Variants in ARL14EP observed in about 807,000 individuals in gnomAD.
ARL14EP encodes ARL14 effector protein.
In ARL14EP, 12 loss-of-function variants were observed where a neutral mutation model predicts 23.1. The ratio of observed to expected loss-of-function variants is 0.52; its 90% CI spans 0.33 to 0.84. The LOEUF (loss-of-function observed/expected upper bound fraction) is 0.84. Among genes scored for constraint, ARL14EP ranks in the 40% least tolerant of loss-of-function variants. The pLI, the probability that ARL14EP is intolerant of heterozygous loss-of-function variation, is 0.02. For synonymous variants in ARL14EP, 97 were observed against 102.0 expected, an observed-to-expected ratio of 0.95 and a Z score of 0.29; for missense variants, 253 against 307.3, an observed-to-expected ratio of 0.82 and a Z score of 1.32.
Position 30,337,161 on chromosome 11 carries a change from A to G in ARL14EP, c.*366A>G. 1 of 277,316 alleles carries G rather than the reference A, an allele frequency of 3.6e-6. No individual in the cohort carries two copies. Among genetic ancestry groups the G allele is most frequent in the Non-Finnish European group, 6.9e-6 (1 of 143,906 alleles). 17.2% of individuals were successfully genotyped at this position (277,316 alleles called of 1,614,324 possible). ...TGTTGTTGTTAAAATCTAGGTTAAA[A>G]TTTTAGTTAGCACATTGTAACTGAG... On this transcript the variant is annotated 3_prime_UTR_variant, in exon 4 of 4. Coordinates refer to ENST00000282032, the MANE Select transcript of ARL14EP (RefSeq NM_152316.3).
chr11:30,334,208 C>CTTTTTTTTTTTTTGTTTT (rs1947311856), intron 3 of ARL14EP, among the ~76,000 whole-genome samples: 1 of 86,012 alleles, frequency 1.2e-5, no homozygotes, highest in African/African-American at 5.0e-5. Flanking sequence ...GACCAGCCTT[C>CTTTTTTTTTTTTTGTTTT]TTTTTTTTTT....
In ARL14EP at chr11:30,331,359, G is replaced by A. The variant is rs1947281836; in HGVS notation, c.411G>A (p.Arg137=). The A allele has an allele frequency of 1.9e-6, 3 of 1,613,800 alleles. No individual in the cohort carries two copies. The highest frequency in any genetic ancestry group is 1.7e-6 in the Non-Finnish European group (2 of 1,179,854). ...VDVDTEDRQK[R]KPESDGRTAK... is the part of the protein sequence containing the mutation. ...TTGATACTGAAGACCGCCAGAAAAG[G>A]AAACCTGAGTCAGATGTATGTGTAA... The change falls in exon 2 of 4, where the codon AGG becomes AGA. Residue 137 remains arginine, a synonymous_variant. Coordinates refer to ENST00000282032, the MANE Select transcript of ARL14EP (RefSeq NM_152316.3).
At chr11:30,324,526 GGC>G (rs1947222020) in intron 1 of ARL14EP, among the ~76,000 whole-genome samples, 1 of 152,090 alleles carries the variant, frequency 6.6e-6, no homozygotes, top group Non-Finnish European at 1.5e-5. Flanking sequence ...TTTTGTTAGT[GGC>G]TGTTTTGCTG....
chr11:30,335,901 A>AT (rs1376060707), intron 3 of ARL14EP, among the ~76,000 whole-genome samples: 1 of 152,038 alleles, frequency 6.6e-6, no homozygotes, highest in Non-Finnish European at 1.5e-5. Context: ...CTAAAAGGTA[A>AT]TTACATTTTA....
At chr11:30,333,279 GTTA>G (rs1307576035) in intron 3 of ARL14EP, among the ~76,000 whole-genome samples, 2 of 152,052 alleles carry the variant, frequency 1.3e-5, no homozygotes, top group Non-Finnish European at 1.5e-5. Flanking sequence ...GAAAAGCATT[GTTA>G]TTATATATAT....
chr11:30,332,777 AG>A, intron 2 of ARL14EP, 88 bp from the exon 3 acceptor site: 1 of 1,487,070 alleles, frequency 6.7e-7, no homozygotes. Flanking sequence ...CTTCCATGTT[AG>A]GGAATCGTCT....
At chr11:30,332,779 G>T in intron 2 of ARL14EP, 87 bp from the exon 3 acceptor site, 1 of 1,495,562 alleles carries the variant, frequency 6.7e-7, no homozygotes, top group Non-Finnish European at 9.2e-7. Context: ...TCCATGTTAG[G>T]GAATCGTCTG....
At chr11:30,324,878 AAAATATT>A (rs1245121755) in intron 1 of ARL14EP, among the ~76,000 whole-genome samples, 8 of 152,202 alleles carry the variant, frequency 5.3e-5, no homozygotes, top group Non-Finnish European at 7.3e-5. Flanking sequence ...TAGTGCTACA[AAAATATT>A]AAATGTTAAT....
intron 1 of ARL14EP, among the ~76,000 whole-genome samples, chr11:30,327,461 G>A (rs1248627944): frequency 1.3e-5 from 2 of 152,154 alleles, no homozygotes; most frequent in Non-Finnish European, 2.9e-5. Context: ...AATCCAAGAT[G>A]CTTTTCCTAT....
chr11:30,324,496 C>T (rs1027221099), intron 1 of ARL14EP, among the ~76,000 whole-genome samples: 3 of 152,170 alleles, frequency 2.0e-5, no homozygotes, highest in African/African-American at 7.2e-5. Context: ...CTAATTAATC[C>T]TCAATTCCCT....
At chr11:30,326,001 A>G (rs2133644137) in intron 1 of ARL14EP, among the ~76,000 whole-genome samples, 1 of 152,320 alleles carries the variant, frequency 6.6e-6, no homozygotes, top group Middle Eastern at 3.4e-3. Context: ...TGCTCTCAAC[A>G]GTGCAGTTTT....
Position 30,337,911 on chromosome 11 carries a change from ATT to A in ARL14EP, c.*1120_*1121del. On this transcript the variant is annotated 3_prime_UTR_variant, in exon 4 of 4. Coordinates refer to ENST00000282032, the MANE Select transcript of ARL14EP (RefSeq NM_152316.3). ...TACAGTGTACTAAATATTTTTAAAC[ATT>A]TTTGCATTTTTTTCTACATTTATAA... 6.6e-6 allele frequency: 1 copy of A among 152,266 alleles called. No homozygotes were observed. Among genetic ancestry groups the A allele is most frequent in the African/African-American group, 2.4e-5 (1 of 41,552 alleles). 9.4% of individuals were successfully genotyped at this position (152,266 alleles called of 1,614,324 possible).
chr11:30,330,984 T>A lies in ARL14EP; in HGVS notation c.36T>A (p.Arg12=). Residue 12 remains arginine, a synonymous_variant, in exon 2 of 4, where the codon CGT becomes CGA. Transcript: ENST00000282032. ...MDPCSVGVQL[R]TTNECHKTYY... ...CATGTTCAGTTGGAGTCCAGCTTCGTACTACAAATGAGTGCCATAAAACCT... is the reference window on the plus strand; with the variant it reads ...CATGTTCAGTTGGAGTCCAGCTTCGAACTACAAATGAGTGCCATAAAACCT... The A allele has an allele frequency of 6.2e-7, 1 of 1,613,866 alleles. No homozygotes were observed. Among genetic ancestry groups the A allele is most frequent in the South Asian group, 1.1e-5 (1 of 91,068 alleles).
intron 3 of ARL14EP, 105 bp downstream of exon 3, chr11:30,333,098 T>G (rs971593055): frequency 1.4e-6 from 2 of 1,438,784 alleles, no homozygotes; most frequent in Non-Finnish European, 1.9e-6. Flanking sequence ...TATTTTAAAT[T>G]GGATAATGTA....
rs1214551919 is a variant in ARL14EP, at chr11:30,337,697, G to A, written c.*902G>A. On this transcript the variant is annotated 3_prime_UTR_variant, in exon 4 of 4. Coordinates refer to ENST00000282032, the MANE Select transcript of ARL14EP (RefSeq NM_152316.3). ...GAATATAGAAATATTTCACAACATT[G>A]AAAGCACAAGCAATAAAAGGGTGGA... The A allele has an allele frequency of 1.3e-5, 2 of 151,864 alleles. No homozygotes were observed. The highest frequency in any genetic ancestry group is 2.9e-5 in the Non-Finnish European group (2 of 67,964). The allele number at this position is 151,864 out of a possible 1,614,324, so 9.4% of individuals were successfully genotyped here.
In ARL14EP at chr11:30,336,812, A is replaced by G. The variant is rs759249156; in HGVS notation, c.*17A>G. 1.3e-5 allele frequency: 21 copies of G among 1,595,386 alleles called. No individual in the cohort carries two copies. Among genetic ancestry groups the G allele is most frequent in the Admixed American group, 1.2e-4 (7 of 59,960 alleles). ...GCTGGATAATCTGCGGTACCAAACT[A>G]TGGAGCCTTTAAAGGTCTTTATTTC... On this transcript the variant is annotated 3_prime_UTR_variant, in exon 4 of 4. Transcript: ENST00000282032.
At chr11:30,331,441 G>C in intron 2 of ARL14EP, 67 bp downstream of exon 2, 1 of 1,604,202 alleles carries the variant, frequency 6.2e-7, no homozygotes, top group African/African-American at 1.3e-5. Flanking sequence ...TTAACTATAA[G>C]AAAATCATAT....
chr11:30,334,604 C>T (rs961213641), intron 3 of ARL14EP, among the ~76,000 whole-genome samples: 5 of 152,072 alleles, frequency 3.3e-5, no homozygotes, highest in African/African-American at 1.2e-4. Flanking sequence ...AAGGACAGGC[C>T]GTTTCTCTTG....
At chr11:30,324,134 T>A (rs1188503421) in intron 1 of ARL14EP, among the ~76,000 whole-genome samples, 2 of 152,172 alleles carry the variant, frequency 1.3e-5, no homozygotes, top group Non-Finnish European at 2.9e-5. Context: ...TATGTACCCA[T>A]AACTAAAGCT....
Sources: gnomAD v4.1 joint callset for allele counts (sites outside exome capture counted in the v4.1 genomes callset) on GRCh38, gnomAD v4.1.1 for gene constraint, MANE v1.5 for transcripts, NCBI Gene and HGNC (gene_info 2026-07-23, HGNC 2026-07-21) for gene names.